The following ARHGEF10 variants were observed in gnomAD, a reference collection of about 807,000 sequenced individuals.
ARHGEF10 encodes the protein Rho guanine nucleotide exchange factor 10, also known as Rho guanine nucleotide exchange factor (GEF) 10.
In ARHGEF10, 140 loss-of-function variants were observed where a neutral mutation model predicts 147.4. The observed-to-expected ratio is 0.95, with a 90% CI of 0.83 to 1.09. The LOEUF (loss-of-function observed/expected upper bound fraction) is 1.09. ARHGEF10 is among the 50% of genes least tolerant of loss of function. The pLI is 0.00. For synonymous variants in ARHGEF10, 902 were observed against 695.8 expected (o/e 1.30, Z -4.67); for missense variants, 2,222 against 1,752.7 (o/e 1.27, Z -4.78).
At chr8:1,827,696 C>A (rs1440027396) in intron 1 of ARHGEF10, among the ~76,000 whole-genome samples, 1 of 152,174 alleles carries the variant, frequency 6.6e-6, no homozygotes, top group African/African-American at 2.4e-5. Flanking sequence ...TAAAGCAGGC[C>A]TGCCAGTAGA....
intron 1 of ARHGEF10, among the ~76,000 whole-genome samples, chr8:1,824,453 T>C (rs1328362539): frequency 6.6e-6 from 1 of 151,882 alleles, no homozygotes; most frequent in African/African-American, 2.4e-5. Flanking sequence ...GGTCGTGCAG[T>C]AACTTAGATT....
At chr8:1,878,945 C>T (rs1005107427) in intron 8 of ARHGEF10, among the ~76,000 whole-genome samples, 1 of 152,152 alleles carries the variant, frequency 6.6e-6, no homozygotes, top group African/African-American at 2.4e-5. Flanking sequence ...AGGACAGTGG[C>T]CTGGACCGGG....
Position 1,840,575 on chromosome 8 carries a change from TGGTGTGGA to T in ARHGEF10, c.-47-2777_-47-2770del, listed in dbSNP as rs1563159420. On this transcript the variant is annotated intron_variant, in intron 1 of 28. Coordinates refer to ENST00000349830, the MANE Select transcript of ARHGEF10 (RefSeq NM_014629.4). Reference sequence around the variant, plus strand: ...GAAGCTGTCTGATATGGGGACTGTCTGGTGTGGAAGCTGTCCGATATGGGGACTGTCTG... The same window carrying T: ...GAAGCTGTCTGATATGGGGACTGTCTAGCTGTCCGATATGGGGACTGTCTG... 1.5e-3 allele frequency among the ~76,000 whole-genome samples: 218 copies of T among 149,202 alleles called. 13 individuals are homozygous for T. The highest frequency in any genetic ancestry group is 0.011 in the Middle Eastern group (3 of 274).
rs1204006322 is a variant in ARHGEF10 at position 1,923,816 on chromosome 8, C to G, written c.2430C>G (p.Phe810Leu). The G allele has an allele frequency of 6.2e-7, 1 of 1,614,170 alleles. No individual in the cohort carries two copies. The change falls in exon 21 of 29, where the codon TTC becomes TTG. Residue 810 changes from phenylalanine to leucine, a missense_variant. Coordinates refer to ENST00000349830, the MANE Select transcript of ARHGEF10 (RefSeq NM_014629.4). ...TCTTTACAGCTGTGTTCAATACGTT[C>G]ACCCCTGCCATCAAGGAGTCCTGGG... ...PTFFTAVFNTFTPAIKESWVN... is the reference protein window; with the variant it reads ...PTFFTAVFNTLTPAIKESWVN...
intron 26 of ARHGEF10, among the ~76,000 whole-genome samples, chr8:1,941,792 C>T (rs1010271743): frequency 2.0e-5 from 3 of 152,310 alleles, no homozygotes; most frequent in East Asian, 3.9e-4. Context: ...CCGGAGACCA[C>T]GTGTGTCTAT....
chr8:1,824,385 C>T (rs1478682495), intron 1 of ARHGEF10, among the ~76,000 whole-genome samples: 1 of 151,970 alleles, frequency 6.6e-6, no homozygotes, highest in Non-Finnish European at 1.5e-5. Flanking sequence ...GCCCCAGGGG[C>T]AGGAGCGAAC....
At chr8:1,877,080 G>C (rs989731679) in intron 8 of ARHGEF10, among the ~76,000 whole-genome samples, 1 of 152,234 alleles carries the variant, frequency 6.6e-6, no homozygotes, top group Non-Finnish European at 1.5e-5. Context: ...GAATAGATGG[G>C]ATCGGGGTTC....
intron 7 of ARHGEF10, among the ~76,000 whole-genome samples, chr8:1,871,302 A>T (rs1354435866): frequency 6.6e-6 from 1 of 152,080 alleles, no homozygotes; most frequent in Non-Finnish European, 1.5e-5. Flanking sequence ...ACAAATGCCA[A>T]AGAATGGATG....
intron 1 of ARHGEF10, among the ~76,000 whole-genome samples, chr8:1,842,838 G>T (rs1173730860): frequency 6.6e-6 from 1 of 152,226 alleles, no homozygotes; most frequent in African/African-American, 2.4e-5. Flanking sequence ...GGCAGGCCGG[G>T]ACCCAGCCTC....
In ARHGEF10 at chr8:1,945,344, C is replaced by T. The variant is rs3779709; in HGVS notation, c.3223-137C>T. 0.1 allele frequency: 108,510 copies of T among 1,045,624 alleles called. 6,864 individuals are homozygous for T. Among genetic ancestry groups the T allele is most frequent in the East Asian group, 0.26 (10,136 of 38,426 alleles). The allele number at this position is 1,045,624 out of a possible 1,614,324, so 64.8% of individuals were successfully genotyped here. A position where few individuals can be genotyped will look rare whatever the true frequency, so the allele number is the denominator to read the frequency against. ...GTTGCTGGTGTTTGGTTGCTGGAGACGCCTGTGATTTGGAGCAAAGCCTGC... is the reference window on the plus strand; with the variant it reads ...GTTGCTGGTGTTTGGTTGCTGGAGATGCCTGTGATTTGGAGCAAAGCCTGC... On this transcript the variant is annotated intron_variant, in intron 26 of 28. Transcript: ENST00000349830.
At chr8:1,879,681 T>A (rs1808012464) in intron 8 of ARHGEF10, among the ~76,000 whole-genome samples, 1 of 151,866 alleles carries the variant, frequency 6.6e-6, no homozygotes, top group Admixed American at 6.6e-5. Flanking sequence ...GCCTCCTAAG[T>A]AGCTAGGATC....
Position 1,948,440 on chromosome 8 carries a change from C to T in ARHGEF10, c.3397+2785C>T, listed in dbSNP as rs1814767884. Among the ~76,000 whole-genome samples the T allele has an allele frequency of 6.6e-6, 1 of 152,234 alleles. No homozygotes were observed. Among genetic ancestry groups the T allele is most frequent in the Non-Finnish European group, 1.5e-5 (1 of 68,046 alleles). ...ACTAAGTTGGAAATAGCTCCAGCTT[C>T]ACTGATTTCTGGGGTACACTGACTG... On this transcript the variant is annotated intron_variant, in intron 27 of 28. Transcript: ENST00000349830. The surrounding 1 kb of genome is among the most constrained non-coding windows in gnomAD (Gnocchi z 4.9).
chr8:1,902,984 G>A (rs553895901), intron 15 of ARHGEF10, among the ~76,000 whole-genome samples: 95 of 152,296 alleles, frequency 6.2e-4, no homozygotes, highest in Non-Finnish European at 8.7e-4. Flanking sequence ...TATCATCATC[G>A]TGAGCATCGT....
At chr8:1,951,426 A>G (rs748874392) in intron 27 of ARHGEF10, among the ~76,000 whole-genome samples, 5 of 152,236 alleles carry the variant, frequency 3.3e-5, no homozygotes, top group Admixed American at 6.5e-5. Context: ...TGGGACATGC[A>G]TATTATTGAG....
rs866998037 is a variant in ARHGEF10, at chr8:1,893,781, C to A, written c.1260+135C>A. ...AAATTTGCAAAATTCTCAAAAGGAT[C>A]TAAGTATTATGTCTGTATATTGACA... On this transcript the variant is annotated intron_variant, in intron 12 of 28. Transcript: ENST00000349830. 3.9e-4 allele frequency: 271 copies of A among 689,418 alleles called. 1 individual carries two copies. In the East Asian group the frequency reaches 7.3e-3, roughly 19 times the overall value. The allele number at this position is 689,418 out of a possible 1,614,324, so 42.7% of individuals were successfully genotyped here. A position where few individuals can be genotyped will look rare whatever the true frequency, so the allele number is the denominator to read the frequency against.
At chr8:1,919,137 C>T (rs1811998513) in intron 18 of ARHGEF10, among the ~76,000 whole-genome samples, 2 of 144,968 alleles carry the variant, frequency 1.4e-5, no homozygotes, top group South Asian at 4.5e-4. Context: ...TGGAGCTGTT[C>T]CATGGGTGAT....
chr8:1,911,893 C>G (rs1026239523), intron 18 of ARHGEF10, among the ~76,000 whole-genome samples: 5 of 152,236 alleles, frequency 3.3e-5, no homozygotes, highest in African/African-American at 7.2e-5. Context: ...CAAATTCACT[C>G]TCAGTGTTTG....
rs34033686 is a variant in ARHGEF10 at position 1,893,092 on chromosome 8, C to CAAAA, written c.1183-460_1183-457dup. On this transcript the variant is annotated intron_variant, in intron 11 of 28. Coordinates refer to ENST00000349830, the MANE Select transcript of ARHGEF10 (RefSeq NM_014629.4). Reference sequence around the variant, plus strand: ...TCTTTGGATGGTTGAAAGATCTTTGCAAAAAAAAAAAAAAAAAAAAGATTC... The same window carrying CAAAA: ...TCTTTGGATGGTTGAAAGATCTTTGCAAAAAAAAAAAAAAAAAAAAAAAAGATTC... Among the ~76,000 whole-genome samples the CAAAA allele has an allele frequency of 1.8e-3, 137 of 76,742 alleles. 3 individuals carry two copies. Among genetic ancestry groups the CAAAA allele is most frequent in the African/African-American group, 2.6e-3 (59 of 22,978 alleles). 50.3% of individuals were successfully genotyped at this position (76,742 alleles called of 152,430 possible).
chr8:1,931,394 C>T (rs1406907393), intron 25 of ARHGEF10, among the ~76,000 whole-genome samples: 1 of 152,224 alleles, frequency 6.6e-6, no homozygotes, highest in Non-Finnish European at 1.5e-5. Flanking sequence ...GCGAGCATCT[C>T]TCCAGCCTCT....
Sources: allele counts gnomAD v4.1 joint callset (sites outside exome capture counted in the v4.1 genomes callset), GRCh38; gene constraint gnomAD v4.1.1; non-coding constraint Gnocchi (gnomAD v3.1); transcripts MANE v1.5; gene names NCBI Gene and HGNC (gene_info 2026-07-23, HGNC 2026-07-21).